The following IL31RA variants were observed in gnomAD, a reference collection of about 807,000 sequenced individuals.
IL31RA encodes the protein interleukin 31 receptor A.
IL31RA carries 66 observed loss-of-function variants against 83.7 expected under a neutral mutation model. The observed-to-expected ratio is 0.79, with a 90% CI of 0.65 to 0.97. The LOEUF (loss-of-function observed/expected upper bound fraction) is 0.97. Ranked by LOEUF, IL31RA falls within the 50% of genes least tolerant of loss-of-function variation. IL31RA has a pLI of 0.00. For missense variants in IL31RA, 798 were observed against 919.4 expected (o/e 0.87, Z 1.71); for synonymous variants, 325 against 329.0 (o/e 0.99, Z 0.13).
At chr5:55,906,634 AT>A (rs1749176292) in intron 9 of IL31RA, among the ~76,000 whole-genome samples, 1 of 152,156 alleles carries the variant, frequency 6.6e-6, no homozygotes, top group Admixed American at 6.5e-5. Context: ...TTCAGTTCTG[AT>A]TGCCTGTTTA....
intron 2 of IL31RA, among the ~76,000 whole-genome samples, chr5:55,863,359 G>T (rs1745802785): frequency 6.6e-6 from 1 of 152,224 alleles, no homozygotes; most frequent in South Asian, 2.1e-4. Context: ...TAATAAACAA[G>T]CCTAAAATAT....
rs1749888429 is a variant in IL31RA, at chr5:55,917,990, C to T, written c.*870C>T. ...TACTTAAAAGGCCTCTTCCCGGAAG[C>T]AGCAGGGCAGGGCCTGGGAACATGC... On this transcript the variant is annotated 3_prime_UTR_variant, in exon 15 of 15. Transcript: ENST00000652347. Among the ~76,000 whole-genome samples, 1 of 152,256 alleles carries T rather than the reference C, an allele frequency of 6.6e-6. No individual in the cohort carries two copies. The highest frequency in any genetic ancestry group is 2.4e-5 in the African/African-American group (1 of 41,458).
chr5:55,859,483 C>G (rs369673189), intron 1 of IL31RA, 26 bp from the exon 2 acceptor site: 2 of 1,560,556 alleles, frequency 1.3e-6, no homozygotes, highest in Admixed American at 3.3e-5. Flanking sequence ...TGAAGCAAAC[C>G]AACTCTTGAC....
At chr5:55,847,544 T>G (rs750270043), upstream of IL31RA, among the ~76,000 whole-genome samples, 1 of 152,090 alleles carries the variant, frequency 6.6e-6, no homozygotes, top group Non-Finnish European at 1.5e-5. Context: ...ATCGCACCAC[T>G]ACACTCCAGC....
intron 14 of IL31RA, 144 bp from the exon 15 acceptor site, chr5:55,916,500 G>A: frequency 8.1e-6 from 6 of 737,816 alleles, no homozygotes; most frequent in Non-Finnish European, 1.5e-5. Flanking sequence ...CATGCAGAGA[G>A]GGTTGGCTAC....
chr5:55,889,879 A>G, intron 5 of IL31RA, 91 bp from the exon 6 acceptor site: 1 of 1,161,408 alleles, frequency 8.6e-7, no homozygotes, highest in Non-Finnish European at 1.3e-6. Context: ...TACTAGTTCT[A>G]AAAATGTAAA....
At chr5:55,902,871 A>T (rs1213392737) in intron 8 of IL31RA, among the ~76,000 whole-genome samples, 1 of 152,164 alleles carries the variant, frequency 6.6e-6, no homozygotes, top group African/African-American at 2.4e-5. Context: ...TGTGAGATCT[A>T]TTTTATAGAC....
chr5:55,881,495 TC>T (rs1747219825), intron 4 of IL31RA, among the ~76,000 whole-genome samples: 1 of 151,848 alleles, frequency 6.6e-6, no homozygotes, highest in African/African-American at 2.4e-5. Flanking sequence ...GCGTCCCATT[TC>T]CCTTGATTCT....
intron 5 of IL31RA, among the ~76,000 whole-genome samples, chr5:55,884,151 T>C (rs530319095): frequency 1.8e-4 from 28 of 152,322 alleles, no homozygotes; most frequent in African/African-American, 6.7e-4. Flanking sequence ...TTCAATTGAT[T>C]TGTAGGCATT....
rs573681588 is a variant in IL31RA, at chr5:55,918,702, C to T, written c.*1582C>T. Among the ~76,000 whole-genome samples the T allele has an allele frequency of 6.6e-6, 1 of 152,262 alleles. No individual in the cohort carries two copies. Among genetic ancestry groups the T allele is most frequent in the South Asian group, 2.1e-4 (1 of 4,826 alleles). On this transcript the variant is annotated 3_prime_UTR_variant, in exon 15 of 15. Transcript: ENST00000652347. Reference sequence around the variant, plus strand: ...TCCCTGTTGGGTCACCTACCACTTACCTTAGCCAATTGCTGCCTCGTTACT... The same window carrying T: ...TCCCTGTTGGGTCACCTACCACTTATCTTAGCCAATTGCTGCCTCGTTACT...
intron 6 of IL31RA, 69 bp downstream of exon 6, chr5:55,890,204 G>A: frequency 4.6e-6 from 7 of 1,511,870 alleles, no homozygotes; most frequent in Non-Finnish European, 6.4e-6. Context: ...AGACTTGGTG[G>A]GGTTTGTCAC....
At chr5:55,852,392 A>G (rs9292100) in intron 1 of IL31RA, 115,153 of 151,642 alleles carry the variant, frequency 0.76, 44,407 homozygotes, top group African/African-American at 0.84. Flanking sequence ...GGCTGGTCTC[A>G]AACTCCTGAC....
chr5:55,883,434 AT>A (rs571022977), intron 5 of IL31RA, among the ~76,000 whole-genome samples: 75 of 152,224 alleles, frequency 4.9e-4, no homozygotes, highest in Non-Finnish European at 9.1e-4. Flanking sequence ...AGAGTGAGAA[AT>A]TTACTTCTGC....
At chr5:55,864,298 C>CAG (rs1296735882) in intron 2 of IL31RA, among the ~76,000 whole-genome samples, 2 of 148,992 alleles carry the variant, frequency 1.3e-5, no homozygotes, top group Non-Finnish European at 3.0e-5. Flanking sequence ...CAGACACACA[C>CAG]ACACACACAC....
rs551922875 is a variant in IL31RA at position 55,906,996 on chromosome 5, G to A, written c.1253-363G>A. Reference sequence around the variant, plus strand: ...ATGCAGGCAAGTAGAGGAGATAGAAGTCACAGTGTTTGAGATCCACAGGGT... The same window carrying A: ...ATGCAGGCAAGTAGAGGAGATAGAAATCACAGTGTTTGAGATCCACAGGGT... On this transcript the variant is annotated intron_variant, in intron 9 of 14. Transcript: ENST00000652347. Among the ~76,000 whole-genome samples the A allele has an allele frequency of 3.2e-4, 48 of 152,308 alleles. 1 individual carries two copies. Among genetic ancestry groups the A allele is most frequent in the South Asian group, 1.7e-3 (8 of 4,816 alleles).
chr5:55,851,485 T>C lies in IL31RA; in HGVS notation c.-86T>C, dbSNP rs1408798276. 1 of 1,612,966 alleles carries C rather than the reference T, an allele frequency of 6.2e-7. No individual in the cohort carries two copies. The highest frequency in any genetic ancestry group is 1.3e-5 in the African/African-American group (1 of 74,832). On this transcript the variant is annotated 5_prime_UTR_variant, in exon 1 of 15. Transcript: ENST00000652347. ...AAAATAGTAATAACCAGCATGGCAC[T>C]AAATAGACCATGAAAAGACATGTGT...
intron 5 of IL31RA, among the ~76,000 whole-genome samples, chr5:55,887,745 C>A (rs1378920675): frequency 6.6e-6 from 1 of 151,962 alleles, no homozygotes; most frequent in Admixed American, 6.6e-5. Context: ...ATTAGCCGGG[C>A]GTGTTGGCAG....
intron 4 of IL31RA, among the ~76,000 whole-genome samples, chr5:55,880,424 C>T (rs1406835106): frequency 1.3e-5 from 2 of 152,158 alleles, no homozygotes; most frequent in African/African-American, 2.4e-5. Context: ...TGTATCAAAA[C>T]AGCTCATATG....
chr5:55,871,998 A>G (rs1167518047), intron 3 of IL31RA, among the ~76,000 whole-genome samples: 2 of 152,092 alleles, frequency 1.3e-5, no homozygotes, highest in Non-Finnish European at 2.9e-5. Context: ...TATATAGGAC[A>G]TGCATTGCAA....
Sources: gnomAD v4.1 joint callset for allele counts (sites outside exome capture counted in the v4.1 genomes callset) on GRCh38, gnomAD v4.1.1 for gene constraint, MANE v1.5 for transcripts, NCBI Gene and HGNC (gene_info 2026-07-23, HGNC 2026-07-21) for gene names.